GLIS3: variants seen among roughly 807,000 people sequenced by gnomAD.
GLIS3 encodes zinc finger protein GLIS3.
In GLIS3, 53 loss-of-function variants were observed where a neutral mutation model predicts 78.6. The ratio of observed to expected loss-of-function variants is 0.67; its 90% CI spans 0.54 to 0.85. The LOEUF is 0.85. Among genes scored for constraint, GLIS3 ranks in the 40% least tolerant of loss-of-function variants. GLIS3 has a pLI of 0.00. For missense variants in GLIS3, 1,703 were observed against 1,231.1 expected (o/e 1.38, Z -5.74); for synonymous variants, 684 against 509.9 (o/e 1.34, Z -4.60).
chr9:4,357,334 C>A, the GLIS3 span, among the ~76,000 whole-genome samples: 2 of 152,186 alleles, frequency 1.3e-5, no homozygotes, highest in African/African-American at 4.8e-5. Flanking sequence ...CCCCTGGAAG[C>A]TTTAATAGAA....
chr9:3,897,011 C>T (rs1822894484), intron 7 of GLIS3, among the ~76,000 whole-genome samples: 1 of 152,152 alleles, frequency 6.6e-6, no homozygotes, highest in Admixed American at 6.5e-5. Context: ...ATTTAAAACT[C>T]TAAAGCTTTA....
chr9:4,303,042 CA>C (rs1408131962), upstream of GLIS3, among the ~76,000 whole-genome samples: 1 of 152,196 alleles, frequency 6.6e-6, no homozygotes, highest in Admixed American at 6.5e-5. Flanking sequence ...CACTGTCTCA[CA>C]GCAATGAAAC....
chr9:4,304,914 A>AGTTT (rs1817190576), upstream of GLIS3, among the ~76,000 whole-genome samples: 1 of 152,218 alleles, frequency 6.6e-6, no homozygotes, highest in Admixed American at 6.5e-5. Flanking sequence ...TACAGCAGGG[A>AGTTT]AGAGTGTAAT....
the GLIS3 span, among the ~76,000 whole-genome samples, chr9:4,480,467 C>T: frequency 2.0e-5 from 3 of 151,986 alleles, no homozygotes; most frequent in Non-Finnish European, 2.9e-5. Context: ...TCGCAAAGTG[C>T]TAGGATTATA....
intron 4 of GLIS3, among the ~76,000 whole-genome samples, chr9:4,112,168 T>A (rs1254491725): frequency 6.6e-6 from 1 of 152,152 alleles, no homozygotes; most frequent in Admixed American, 6.5e-5. Flanking sequence ...ACAAGACTCC[T>A]CCCAAACTTC....
chr9:4,119,652 G>C (rs922742562), intron 3 of GLIS3, among the ~76,000 whole-genome samples: 4 of 152,124 alleles, frequency 2.6e-5, no homozygotes, highest in Admixed American at 2.6e-4. Flanking sequence ...GTGAACTCTC[G>C]TCCTTAAATC....
the GLIS3 span, among the ~76,000 whole-genome samples, chr9:4,397,223 C>T: frequency 7.0e-6 from 1 of 142,924 alleles, no homozygotes; most frequent in Admixed American, 7.0e-5. Flanking sequence ...GACGGGGTTT[C>T]ACCGTTTTAG....
intron 2 of GLIS3, among the ~76,000 whole-genome samples, chr9:4,274,924 T>C (rs1057266242): frequency 6.6e-5 from 10 of 152,218 alleles, no homozygotes; most frequent in Non-Finnish European, 1.3e-4. Context: ...ACACCACAAG[T>C]TGCATTTTGT....
At chr9:4,445,663 C>G in the GLIS3 span, among the ~76,000 whole-genome samples, 3 of 152,022 alleles carry the variant, frequency 2.0e-5, no homozygotes, top group East Asian at 1.9e-4. Flanking sequence ...TAAAAATAAA[C>G]TAGTCTAGAT....
At chr9:4,210,022 G>T (rs558406076) in intron 2 of GLIS3, among the ~76,000 whole-genome samples, 1 of 152,342 alleles carries the variant, frequency 6.6e-6, no homozygotes, top group South Asian at 2.1e-4. Context: ...TTCAGGAAAT[G>T]TAAGGATGAT....
upstream of GLIS3, among the ~76,000 whole-genome samples, chr9:4,352,765 G>C (rs963030192): frequency 3.3e-5 from 5 of 152,242 alleles, no homozygotes; most frequent in African/African-American, 1.2e-4. Flanking sequence ...TACTTGGATG[G>C]AGAGATCAAA....
chr9:4,105,625 C>G (rs1830691170), intron 4 of GLIS3, among the ~76,000 whole-genome samples: 1 of 152,166 alleles, frequency 6.6e-6, no homozygotes, highest in Admixed American at 6.6e-5. Context: ...TTTCCTGACT[C>G]TGTGGTCTAG....
intron 4 of GLIS3, chr9:4,305,367 G>A (rs1299971174): frequency 6.6e-6 from 1 of 152,202 alleles, no homozygotes; most frequent in Non-Finnish European, 1.5e-5. Flanking sequence ...GGGAACTTCA[G>A]TTCCACTACA....
chr9:3,843,085 C>A (rs1818820389), intron 9 of GLIS3, among the ~76,000 whole-genome samples: 1 of 152,180 alleles, frequency 6.6e-6, no homozygotes, highest in Admixed American at 6.5e-5. Flanking sequence ...ATCATGGGAC[C>A]TAATTTGAGT....
chr9:4,387,944 C>T, the GLIS3 span, among the ~76,000 whole-genome samples: 20 of 152,260 alleles, frequency 1.3e-4, no homozygotes, highest in South Asian at 4.1e-4. Context: ...TGTGGAAAAA[C>T]GACCTAACAA....
At chr9:4,419,758 A>T in the GLIS3 span, among the ~76,000 whole-genome samples, 1 of 152,166 alleles carries the variant, frequency 6.6e-6, no homozygotes, top group East Asian at 1.9e-4. Flanking sequence ...CCAGCCTGGG[A>T]GACAGAATGA....
intron 2 of GLIS3, among the ~76,000 whole-genome samples, chr9:4,145,452 CAT>C (rs34627361): frequency 0.27 from 41,545 of 151,956 alleles, 5,853 homozygotes; most frequent in Admixed American, 0.34. Flanking sequence ...TGCTGTGATA[CAT>C]ATAGTACAAC....
chr9:4,172,830 G>C (rs536223431), intron 2 of GLIS3, among the ~76,000 whole-genome samples: 123 of 152,258 alleles, frequency 8.1e-4, no homozygotes, highest in African/African-American at 2.8e-3. Flanking sequence ...TTAATCAGGG[G>C]CCATACTCAC....
chr9:3,998,377 G>A (rs1278202126), intron 4 of GLIS3, among the ~76,000 whole-genome samples: 1 of 152,064 alleles, frequency 6.6e-6, no homozygotes, highest in Non-Finnish European at 1.5e-5. Flanking sequence ...ATTTAATAGA[G>A]TCAATTCAAA....
Sources: gnomAD v4.1 joint callset for allele counts (sites outside exome capture counted in the v4.1 genomes callset) on GRCh38, gnomAD v4.1.1 for gene constraint, MANE v1.5 for transcripts, NCBI Gene and HGNC (gene_info 2026-07-23, HGNC 2026-07-21) for gene names.